The following ERBB4 variants were observed in gnomAD, a reference collection of about 807,000 sequenced individuals.
ERBB4 encodes the protein receptor tyrosine-protein kinase erbB-4.
In ERBB4, 42 loss-of-function variants were observed where a neutral mutation model predicts 158.0. The observed-to-expected ratio is 0.27, with a 90% confidence interval of 0.21 to 0.34. ERBB4 has a LOEUF of 0.34. Ranked by LOEUF, ERBB4 falls within the 10% of genes least tolerant of loss-of-function variation. The probability of loss-of-function intolerance (pLI) is 1.00; values close to 1 mark genes in which losing one functional copy is unlikely to be tolerated. For synonymous variants in ERBB4, 583 were observed against 558.7 expected, an observed-to-expected ratio of 1.04 and a Z score of -0.61; for missense variants, 1,333 against 1,624.1, an observed-to-expected ratio of 0.82 and a Z score of 3.08.
intron 2 of ERBB4, among the ~76,000 whole-genome samples, chr2:211,967,268 G>T (rs192528597): frequency 1.8e-4 from 27 of 152,102 alleles, no homozygotes; most frequent in Admixed American, 1.5e-3. Flanking sequence ...ATATCTAAAT[G>T]AATAAAACCA....
chr2:211,949,144 C>T (rs1190521389), intron 2 of ERBB4, among the ~76,000 whole-genome samples: 1 of 152,110 alleles, frequency 6.6e-6, no homozygotes, highest in African/African-American at 2.4e-5. Context: ...ATCCATGGCT[C>T]CCACCTGAGC....
At position 211,673,212 on chromosome 2, in the gene ERBB4, G is replaced by T. The variant is rs376669939; in HGVS notation, c.1668C>A (p.Asp556Glu). ...FENGSICVEC[D>E]PQCEKMEDGL... ...CATCTTCCATCTTCTCACACTGGGG[G>T]TCACACTCCACACAGATGGAGCCAT... Residue 556 changes from aspartate (D) to glutamate (E), a missense_variant, in exon 14 of 28, where the codon GAC becomes GAA. Transcript: ENST00000342788. The T allele has an allele frequency of 3.1e-6, 5 of 1,613,656 alleles. No individual in the cohort carries two copies. The highest frequency in any genetic ancestry group is 2.7e-5 in the African/African-American group (2 of 74,870).
chr2:212,029,381 T>C (rs2076848470), intron 2 of ERBB4, among the ~76,000 whole-genome samples: 1 of 152,098 alleles, frequency 6.6e-6, no homozygotes. Context: ...GGGGCTTCCC[T>C]GCCCTGCATC....
intron 20 of ERBB4, among the ~76,000 whole-genome samples, chr2:211,452,325 G>A (rs111660367): frequency 0.017 from 2,603 of 152,042 alleles, 76 homozygotes; most frequent in African/African-American, 0.06. Context: ...TTACAGGCAC[G>A]TGCTATCACG....
At chr2:212,489,395 C>T (rs1261885453) in intron 1 of ERBB4, among the ~76,000 whole-genome samples, 4 of 151,946 alleles carry the variant, frequency 2.6e-5, no homozygotes, top group Admixed American at 1.3e-4. Flanking sequence ...GAGAACCCTA[C>T]TAACCAAGAC....
At chr2:211,411,615 C>T (rs973697722) in intron 25 of ERBB4, among the ~76,000 whole-genome samples, 1 of 152,134 alleles carries the variant, frequency 6.6e-6, no homozygotes, top group Non-Finnish European at 1.5e-5. Context: ...ATGCTTGCAG[C>T]TCTGGGCAGT....
At chr2:211,812,492 G>A (rs950360259) in intron 3 of ERBB4, among the ~76,000 whole-genome samples, 1 of 152,176 alleles carries the variant, frequency 6.6e-6, no homozygotes, top group South Asian at 2.1e-4. Context: ...GGCTACACAG[G>A]GGTCAGGGAC....
chr2:212,477,808 T>A (rs1689481813), intron 1 of ERBB4, among the ~76,000 whole-genome samples: 1 of 152,100 alleles, frequency 6.6e-6, no homozygotes, highest in East Asian at 1.9e-4. Flanking sequence ...GTCATATGGA[T>A]AGGCCAGATT....
intron 2 of ERBB4, among the ~76,000 whole-genome samples, chr2:211,968,628 G>A (rs2081370159): frequency 6.6e-6 from 1 of 151,956 alleles, no homozygotes; most frequent in East Asian, 1.9e-4. Flanking sequence ...AAATTGCAAA[G>A]CATAAACTGA....
At chr2:211,397,561 A>G (rs1360593275) in intron 25 of ERBB4, among the ~76,000 whole-genome samples, 2 of 152,126 alleles carry the variant, frequency 1.3e-5, no homozygotes, top group Admixed American at 1.3e-4. Flanking sequence ...CTAATTAGAA[A>G]AACATCTATC....
intron 1 of ERBB4, among the ~76,000 whole-genome samples, chr2:212,417,744 A>G (rs757405595): frequency 4.6e-5 from 7 of 152,042 alleles, no homozygotes; most frequent in African/African-American, 7.2e-5. Flanking sequence ...ATTAGTACCT[A>G]TGTACTATAA....
intron 3 of ERBB4, among the ~76,000 whole-genome samples, chr2:211,944,086 T>TATATATAC (rs1471462285): frequency 1.5e-5 from 2 of 132,112 alleles, no homozygotes; most frequent in African/African-American, 6.6e-5. Context: ...TTACACTATA[T>TATATATAC]ATATATATAT....
chr2:211,679,660 G>C (rs975183236), intron 12 of ERBB4, among the ~76,000 whole-genome samples: 1 of 134,620 alleles, frequency 7.4e-6, no homozygotes. Flanking sequence ...AGGGGAGAAA[G>C]GAATAGAAAT....
chr2:211,629,994 C>T (rs2070040254), intron 17 of ERBB4, among the ~76,000 whole-genome samples: 1 of 152,160 alleles, frequency 6.6e-6, no homozygotes, highest in Admixed American at 6.5e-5. Context: ...TGGGCAAGGA[C>T]TTCATGTCTA....
intron 23 of ERBB4, among the ~76,000 whole-genome samples, chr2:211,423,007 G>A (rs1459689239): frequency 6.6e-6 from 1 of 151,590 alleles, no homozygotes; most frequent in Non-Finnish European, 1.5e-5. Context: ...AATTTTTTGG[G>A]TGTCATTTTA....
chr2:211,996,348 T>C (rs17336942), intron 2 of ERBB4, among the ~76,000 whole-genome samples: 64,753 of 151,716 alleles, frequency 0.43, 13,941 homozygotes, highest in Admixed American at 0.49. Flanking sequence ...TAGTAACTAT[T>C]GATACTAGAA....
intron 1 of ERBB4, among the ~76,000 whole-genome samples, chr2:212,143,946 G>A (rs561880313): frequency 9.0e-4 from 136 of 151,810 alleles, no homozygotes; most frequent in Non-Finnish European, 1.7e-3. Context: ...TTGAACCCAG[G>A]TGGCAGAGTT....
intron 2 of ERBB4, among the ~76,000 whole-genome samples, chr2:212,079,852 C>T (rs1035202295): frequency 6.6e-6 from 1 of 151,934 alleles, no homozygotes; most frequent in African/African-American, 2.4e-5. Flanking sequence ...CTATTTTATT[C>T]AGATAGATAG....
chr2:211,513,158 G>A (rs1259465632), intron 20 of ERBB4, among the ~76,000 whole-genome samples: 1 of 151,724 alleles, frequency 6.6e-6, no homozygotes, highest in Non-Finnish European at 1.5e-5. Flanking sequence ...AAAGGAAAAA[G>A]AGAACTGTCA....
Sources: allele counts gnomAD v4.1 joint callset (sites outside exome capture counted in the v4.1 genomes callset), GRCh38; gene constraint gnomAD v4.1.1; transcripts MANE v1.5; gene names NCBI Gene and HGNC (gene_info 2026-07-23, HGNC 2026-07-21).